The following KIFAP3 variants were observed in gnomAD, a reference collection of about 807,000 sequenced individuals.
KIFAP3 encodes kinesin-associated protein 3.
KIFAP3 carries 68 observed loss-of-function variants against 106.5 expected under a neutral mutation model. The ratio of observed to expected loss-of-function variants is 0.64; its 90% confidence interval spans 0.53 to 0.78. The LOEUF (loss-of-function observed/expected upper bound fraction) is 0.78, where lower values mean the gene tolerates loss of function less well. Ranked by LOEUF, KIFAP3 falls within the 30% of genes least tolerant of loss-of-function variation. The probability of loss-of-function intolerance (pLI) is 0.00; values close to 1 mark genes in which losing one functional copy is unlikely to be tolerated. For synonymous variants in KIFAP3, 320 were observed against 311.5 expected, an observed-to-expected ratio of 1.03 and a Z score of -0.29; for missense variants, 780 against 941.8, an observed-to-expected ratio of 0.83 and a Z score of 2.25.
At chr1:170,047,571 A>C (rs1670322746) in intron 2 of KIFAP3, among the ~76,000 whole-genome samples, 1 of 143,456 alleles carries the variant, frequency 7.0e-6, no homozygotes, top group South Asian at 2.4e-4. Flanking sequence ...CAGTGAGCTG[A>C]GATCGCACCA....
At chr1:169,947,796 C>A (rs1364678674) in intron 19 of KIFAP3, among the ~76,000 whole-genome samples, 2 of 151,564 alleles carry the variant, frequency 1.3e-5, no homozygotes, top group East Asian at 1.9e-4. Flanking sequence ...TTATAAAAAA[C>A]ATTTTTAATA....
intron 10 of KIFAP3, among the ~76,000 whole-genome samples, chr1:170,013,503 CAT>C (rs753110847): frequency 1.4e-4 from 20 of 147,784 alleles, no homozygotes; most frequent in East Asian, 2.0e-4. Flanking sequence ...ATATAAAATA[CAT>C]ATATATATGT....
At chr1:169,926,982 A>C (rs914772614) in intron 19 of KIFAP3, among the ~76,000 whole-genome samples, 1 of 152,156 alleles carries the variant, frequency 6.6e-6, no homozygotes, top group Non-Finnish European at 1.5e-5. Context: ...ACTTCTTCAT[A>C]ATTTTTTGGA....
chr1:169,979,180 T>C (rs985952463), intron 15 of KIFAP3, among the ~76,000 whole-genome samples: 7 of 152,102 alleles, frequency 4.6e-5, no homozygotes, highest in African/African-American at 1.7e-4. Context: ...GGGACAGCAA[T>C]TCCAGGATGC....
At chr1:170,054,537 T>C (rs1472980240) in intron 2 of KIFAP3, among the ~76,000 whole-genome samples, 1 of 152,130 alleles carries the variant, frequency 6.6e-6, no homozygotes, top group Non-Finnish European at 1.5e-5. Flanking sequence ...CTATTTACAA[T>C]AGCAAAGACT....
intron 19 of KIFAP3, among the ~76,000 whole-genome samples, chr1:169,940,884 T>C (rs993821652): frequency 6.6e-6 from 1 of 151,952 alleles, no homozygotes; most frequent in African/African-American, 2.4e-5. Flanking sequence ...ACAAATTCTT[T>C]TGAGCAGTTG....
At chr1:170,018,600 T>C (rs947201526) in intron 9 of KIFAP3, among the ~76,000 whole-genome samples, 10 of 121,062 alleles carry the variant, frequency 8.3e-5, no homozygotes, top group Admixed American at 6.7e-4. Flanking sequence ...ATTAATCCTT[T>C]GATTATTTAA....
chr1:169,945,220 G>A, intron 19 of KIFAP3, among the ~76,000 whole-genome samples: 1 of 152,214 alleles, frequency 6.6e-6, no homozygotes, highest in East Asian at 1.9e-4. Context: ...GCCTGGGCTT[G>A]GCTTCAACTT....
At chr1:169,940,236 G>A (rs1664036174) in intron 19 of KIFAP3, among the ~76,000 whole-genome samples, 1 of 152,182 alleles carries the variant, frequency 6.6e-6, no homozygotes, top group South Asian at 2.1e-4. Context: ...ACATGCTTCA[G>A]TTTTCTTAAT....
chr1:169,931,248 A>C (rs984215903), intron 19 of KIFAP3, among the ~76,000 whole-genome samples: 10 of 152,114 alleles, frequency 6.6e-5, no homozygotes, highest in Non-Finnish European at 1.3e-4. Flanking sequence ...CTGCATATTC[A>C]AGGAAAAAAA....
chr1:169,984,679 C>A lies in KIFAP3; in HGVS notation c.1296G>T (p.Met432Ile), dbSNP rs374411831. The change falls in exon 12 of 20, where the codon ATG (methionine) becomes ATT (isoleucine). Residue 432 changes from methionine (M) to isoleucine (I), a missense_variant. Physicochemically the swap from Met to Ile is conservative, Grantham distance 10. Transcript: ENST00000361580. ...TTCGTTCATCTGAACATTCAAACAGCATCTTCATTAACTAGCAAGAAGCAC... is the reference window on the plus strand; with the variant it reads ...TTCGTTCATCTGAACATTCAAACAGAATCTTCATTAACTAGCAAGAAGCAC... The part of the protein sequence containing the change: ...YTDCIPQLMK[M>I]LFECSDERID... The A allele has an allele frequency of 6.3e-7, 1 of 1,592,862 alleles. No individual in the cohort carries two copies. The highest frequency in any genetic ancestry group is 8.6e-7 in the Non-Finnish European group (1 of 1,163,784).
chr1:169,965,740 C>T (rs989164415), intron 17 of KIFAP3, among the ~76,000 whole-genome samples: 5 of 152,040 alleles, frequency 3.3e-5, no homozygotes, highest in East Asian at 3.9e-4. Context: ...TATCACCCTA[C>T]GAGCTTACAT....
intron 10 of KIFAP3, among the ~76,000 whole-genome samples, chr1:169,994,368 T>G (rs552213890): frequency 1.0e-3 from 159 of 152,294 alleles, no homozygotes; most frequent in Non-Finnish European, 1.9e-3. Context: ...TATCACAAGG[T>G]AAAACTGTTT....
intron 7 of KIFAP3, among the ~76,000 whole-genome samples, chr1:170,034,117 C>T (rs1669556949): frequency 6.6e-6 from 1 of 151,690 alleles, no homozygotes; most frequent in Non-Finnish European, 1.5e-5. Flanking sequence ...TACTAAGTTA[C>T]CCGACACAAC....
At chr1:170,046,210 C>CAAAAAAAAAAAAAAAAAAAA (rs60580320) in intron 3 of KIFAP3, among the ~76,000 whole-genome samples, 20 of 56,920 alleles carry the variant, frequency 3.5e-4, no homozygotes, top group Admixed American at 5.4e-4. Flanking sequence ...TTCTCTGCTG[C>CAAAAAAAAAAAAAAAAAAAA]AAAAAAAAAA....
intron 10 of KIFAP3, among the ~76,000 whole-genome samples, chr1:170,015,205 A>C (rs995240346): frequency 5.3e-5 from 8 of 152,214 alleles, no homozygotes; most frequent in Non-Finnish European, 1.0e-4. Flanking sequence ...TATTTAATAA[A>C]AGTACATGAC....
At chr1:169,951,979 C>T (rs1312373554) in intron 19 of KIFAP3, among the ~76,000 whole-genome samples, 1 of 151,878 alleles carries the variant, frequency 6.6e-6, no homozygotes, top group African/African-American at 2.4e-5. Flanking sequence ...AACATTTGTA[C>T]AGTGAATTGT....
chr1:170,060,447 C>A (rs921161251), intron 1 of KIFAP3, among the ~76,000 whole-genome samples: 1 of 152,148 alleles, frequency 6.6e-6, no homozygotes, highest in African/African-American at 2.4e-5. Context: ...AGGAATCCAA[C>A]TTACAAGGGA....
upstream of KIFAP3, among the ~76,000 whole-genome samples, chr1:170,076,067 T>C (rs1671898869): frequency 6.6e-6 from 1 of 152,118 alleles, no homozygotes; most frequent in Admixed American, 6.6e-5. Flanking sequence ...TTAAAATGCA[T>C]AGATAATATA....
Sources: gnomAD v4.1 joint callset for allele counts (sites outside exome capture counted in the v4.1 genomes callset) on GRCh38, gnomAD v4.1.1 for gene constraint, MANE v1.5 for transcripts, NCBI Gene and HGNC (gene_info 2026-07-23, HGNC 2026-07-21) for gene names.